The following DOK6 variants were observed in gnomAD, a reference collection of about 807,000 sequenced individuals.
The protein encoded by DOK6 is downstream of tyrosine kinase 6.
In DOK6, 22 loss-of-function variants were observed where a neutral mutation model predicts 44.0. The ratio of observed to expected loss-of-function variants is 0.50; its 90% confidence interval spans 0.36 to 0.71. The LOEUF is 0.71. DOK6 is among the 30% of genes least tolerant of loss of function. DOK6 has a pLI of 0.00. For missense variants in DOK6, 340 were observed against 416.4 expected (o/e 0.82, Z 1.60); for synonymous variants, 166 against 145.5 (o/e 1.14, Z -1.01).
intron 2 of DOK6, among the ~76,000 whole-genome samples, chr18:69,580,988 CA>C (rs1218834768): frequency 6.6e-6 from 1 of 152,220 alleles, no homozygotes; most frequent in Non-Finnish European, 1.5e-5. Context: ...CATGTTGCCA[CA>C]CATGACAGAT....
intron 1 of DOK6, among the ~76,000 whole-genome samples, chr18:69,544,117 G>T (rs1443865369): frequency 6.6e-6 from 1 of 150,854 alleles, no homozygotes; most frequent in South Asian, 2.1e-4. Context: ...AATCAGCCAG[G>T]TGTGGTGGCG....
intron 1 of DOK6, among the ~76,000 whole-genome samples, chr18:69,476,423 C>T (rs188428887): frequency 9.5e-4 from 144 of 151,628 alleles, no homozygotes; most frequent in African/African-American, 3.0e-3. Flanking sequence ...TTCTCAAGAG[C>T]GGAAGAGAAA....
chr18:69,711,950 C>A (rs1986764911), intron 5 of DOK6, among the ~76,000 whole-genome samples: 1 of 152,052 alleles, frequency 6.6e-6, no homozygotes, highest in African/African-American at 2.4e-5. Flanking sequence ...AATAACCAGA[C>A]AATTGATGAT....
intron 3 of DOK6, among the ~76,000 whole-genome samples, chr18:69,640,861 CA>C (rs1210184382): frequency 6.6e-6 from 1 of 152,078 alleles, no homozygotes; most frequent in Non-Finnish European, 1.5e-5. Flanking sequence ...CCCCCAGTAA[CA>C]AATTAGTATA....
At chr18:69,716,278 G>A (rs1182108040) in intron 5 of DOK6, among the ~76,000 whole-genome samples, 1 of 152,134 alleles carries the variant, frequency 6.6e-6, no homozygotes, top group African/African-American at 2.4e-5. Context: ...TTTAATCCAT[G>A]TTATTCTGTA....
chr18:69,525,621 C>T (rs757634126), intron 1 of DOK6, among the ~76,000 whole-genome samples: 36 of 152,012 alleles, frequency 2.4e-4, no homozygotes, highest in Non-Finnish European at 3.8e-4. Flanking sequence ...CTTTCAAATA[C>T]TCCCTGTGAA....
chr18:69,449,082 C>T (rs1009256302), intron 1 of DOK6, among the ~76,000 whole-genome samples: 14 of 152,168 alleles, frequency 9.2e-5, no homozygotes, highest in African/African-American at 2.9e-4. Context: ...AGAGATCTTT[C>T]GCTCTCTTTA....
At chr18:69,444,745 GA>G (rs1979234525) in intron 1 of DOK6, among the ~76,000 whole-genome samples, 1 of 150,212 alleles carries the variant, frequency 6.7e-6, no homozygotes, top group South Asian at 2.1e-4. Flanking sequence ...CTGGATTCAA[GA>G]AATTCTCCTG....
At chr18:69,463,837 C>T (rs544130941) in intron 1 of DOK6, among the ~76,000 whole-genome samples, 2 of 151,946 alleles carry the variant, frequency 1.3e-5, no homozygotes, top group South Asian at 2.1e-4. Flanking sequence ...ATCTTAATTG[C>T]GTCCTCTTAT....
intron 7 of DOK6, among the ~76,000 whole-genome samples, chr18:69,785,769 C>A (rs1368388026): frequency 2.6e-5 from 4 of 152,086 alleles, no homozygotes; most frequent in East Asian, 3.8e-4. Flanking sequence ...TTATTCATTT[C>A]TCAGTTGCTT....
chr18:69,466,141 A>C (rs1006283593), intron 1 of DOK6, among the ~76,000 whole-genome samples: 5 of 152,106 alleles, frequency 3.3e-5, no homozygotes, highest in African/African-American at 1.2e-4. Flanking sequence ...TGAAATTTTG[A>C]ACCCTTTGAC....
At chr18:69,635,289 C>T (rs1478869486) in intron 3 of DOK6, among the ~76,000 whole-genome samples, 26 of 151,876 alleles carry the variant, frequency 1.7e-4, no homozygotes, top group Non-Finnish European at 7.4e-5. Context: ...TTTTTTTCTC[C>T]TCATATGGAT....
chr18:69,687,765 C>T (rs1986184360), intron 4 of DOK6, among the ~76,000 whole-genome samples: 1 of 152,124 alleles, frequency 6.6e-6, no homozygotes, highest in Non-Finnish European at 1.5e-5. Context: ...AAACATCATT[C>T]TTGAGAGTAA....
chr18:69,744,297 A>C (rs1978904331), intron 6 of DOK6, among the ~76,000 whole-genome samples: 1 of 123,274 alleles, frequency 8.1e-6, no homozygotes, highest in South Asian at 3.4e-4. Context: ...GCAACAGAGC[A>C]GGACTCCGTA....
chr18:69,543,061 G>T (rs1231364290), intron 1 of DOK6, among the ~76,000 whole-genome samples: 1 of 151,496 alleles, frequency 6.6e-6, no homozygotes, highest in Non-Finnish European at 1.5e-5. Flanking sequence ...GAAGTAGAGG[G>T]TTCTTCACTG....
rs1982288609 is a variant in DOK6 at position 69,843,794 on chromosome 18, G to T, written c.*2411G>T. ...TGTGTGAGAGAAATCTCCTTCCCAA[G>T]TTTTTAACCAGATCTCGTCACAATG... On this transcript the variant is annotated 3_prime_UTR_variant, in exon 8 of 8. Transcript: ENST00000382713. The T allele has an allele frequency of 6.6e-6, 1 of 152,168 alleles. No homozygotes were observed. The highest frequency in any genetic ancestry group is 2.1e-4 in the South Asian group (1 of 4,832). The allele number at this position is 152,168 out of a possible 1,614,324, so 9.4% of individuals were successfully genotyped here. A position where few individuals can be genotyped will look rare whatever the true frequency, so the allele number is the denominator to read the frequency against.
At chr18:69,649,941 C>T (rs1985179277) in intron 3 of DOK6, among the ~76,000 whole-genome samples, 2 of 151,962 alleles carry the variant, frequency 1.3e-5, no homozygotes, top group Admixed American at 6.6e-5. Context: ...AAACTTGACC[C>T]ACTGATCCTA....
At chr18:69,591,352 A>T (rs1983617794) in intron 2 of DOK6, among the ~76,000 whole-genome samples, 1 of 152,126 alleles carries the variant, frequency 6.6e-6, no homozygotes, top group Admixed American at 6.6e-5. Context: ...CTTAAAGAAA[A>T]AAACAGCTAT....
chr18:69,713,767 T>C (rs1986822082), intron 5 of DOK6, among the ~76,000 whole-genome samples: 1 of 152,206 alleles, frequency 6.6e-6, no homozygotes, highest in Admixed American at 6.5e-5. Flanking sequence ...ATATCATACC[T>C]TTTTTACACC....
Sources: allele counts gnomAD v4.1 joint callset (sites outside exome capture counted in the v4.1 genomes callset), GRCh38; gene constraint gnomAD v4.1.1; transcripts MANE v1.5; gene names NCBI Gene and HGNC (gene_info 2026-07-23, HGNC 2026-07-21).